DNMT3A: variants seen among roughly 807,000 people sequenced by gnomAD.
The protein encoded by DNMT3A is DNA (cytosine-5)-methyltransferase 3A.
DNMT3A carries 267 observed loss-of-function variants against 117.6 expected under a neutral mutation model. The observed-to-expected ratio is 2.27, with a 90% CI of 2.05 to 2.51. DNMT3A has a LOEUF of 2.51. DNMT3A is among the 30% of genes most tolerant of loss of function. The pLI is 0.00. For synonymous variants in DNMT3A, 432 were observed against 474.8 expected (o/e 0.91, Z 1.17); for missense variants, 1,029 against 1,260.2 (o/e 0.82, Z 2.78).
Position 25,294,744 on chromosome 2 carries a change from C to T in DNMT3A, c.177+5395G>A, listed in dbSNP as rs1387397125. Reference sequence around the variant, plus strand: ...GCAGCAGAATGGTTCCCTGACTTCCCCATTTAGGTTACCCCAAGTCATCTG... The same window carrying T: ...GCAGCAGAATGGTTCCCTGACTTCCTCATTTAGGTTACCCCAAGTCATCTG... On this transcript the variant is annotated intron_variant, in intron 3 of 22. Transcript: ENST00000321117. This position sits in a 1 kb window ranked among gnomAD's most constrained non-coding sequence, Gnocchi z 4.7. 6.6e-6 allele frequency among the ~76,000 whole-genome samples: 1 copy of T among 152,196 alleles called. No homozygotes were observed. The highest frequency in any genetic ancestry group is 2.4e-5 in the African/African-American group (1 of 41,452).
At chr2:25,238,373 G>C (rs1573305242) in intron 20 of DNMT3A, among the ~76,000 whole-genome samples, 1 of 152,142 alleles carries the variant, frequency 6.6e-6, no homozygotes, top group East Asian at 1.9e-4. Flanking sequence ...CAGGTGAAAT[G>C]ATGTCTCCTA....
chr2:25,242,687 C>G (rs1674223158), intron 16 of DNMT3A, among the ~76,000 whole-genome samples: 1 of 152,174 alleles, frequency 6.6e-6, no homozygotes, highest in Non-Finnish European at 1.5e-5. Flanking sequence ...GACATGAATT[C>G]TAAGAAGAGC....
intron 4 of DNMT3A, among the ~76,000 whole-genome samples, chr2:25,280,468 C>A (rs1237253315): frequency 6.6e-6 from 1 of 152,092 alleles, no homozygotes; most frequent in East Asian, 1.9e-4. Context: ...CACCTGGGAG[C>A]CTTCTTCCCT....
At chr2:25,243,062 T>C (rs1385044840) in intron 16 of DNMT3A, among the ~76,000 whole-genome samples, 1 of 152,118 alleles carries the variant, frequency 6.6e-6, no homozygotes, top group Non-Finnish European at 1.5e-5. Context: ...ATCCCAGCAC[T>C]TTGGGAGGCC....
At chr2:25,284,645 T>TGAAAAAAAAAAAAAAA in intron 3 of DNMT3A, among the ~76,000 whole-genome samples, 1 of 16,644 alleles carries the variant, frequency 6.0e-5, no homozygotes, top group Non-Finnish European at 9.7e-5. Flanking sequence ...AGACTCCATC[T>TGAAAAAAAAAAAAAAA]AAAAAAAAAA....
chr2:25,244,450 G>T, intron 14 of DNMT3A, 90 bp downstream of exon 14: 2 of 1,569,504 alleles, frequency 1.3e-6, no homozygotes, highest in Admixed American at 1.7e-5. Context: ...GGGGTGGAGG[G>T]TCTGTGGGGA....
At chr2:25,323,691 C>T (rs1198527668) in intron 1 of DNMT3A, among the ~76,000 whole-genome samples, 2 of 152,222 alleles carry the variant, frequency 1.3e-5, no homozygotes, top group African/African-American at 4.8e-5. Context: ...GCAGATTTCT[C>T]TCCTTTCTTG....
chr2:25,241,521 A>G, intron 17 of DNMT3A, 41 bp downstream of exon 17: 1 of 1,587,154 alleles, frequency 6.3e-7, no homozygotes, highest in South Asian at 1.1e-5. Context: ...CTGAGTGTGC[A>G]GGGAGGGGAA....
rs1447521013 is a variant in DNMT3A at position 25,286,812 on chromosome 2, A to T, written c.178-4101T>A. Among the ~76,000 whole-genome samples the T allele has an allele frequency of 1.3e-5, 2 of 152,160 alleles. No individual in the cohort carries two copies. Among genetic ancestry groups the T allele is most frequent in the African/African-American group, 4.8e-5 (2 of 41,442 alleles). On this transcript the variant is annotated intron_variant, in intron 3 of 22. Transcript: ENST00000321117. The surrounding 1 kb of genome is among the most constrained non-coding windows in gnomAD (Gnocchi z 4.3). ...ACCTCAGCCTGGAAGCCCAGGAGGG[A>T]GGGGCACCCCAGCCAGGCCTGGCCT...
intron 1 of DNMT3A, among the ~76,000 whole-genome samples, chr2:25,319,618 G>T (rs56361032): frequency 0.027 from 4,087 of 152,280 alleles, 173 homozygotes; most frequent in African/African-American, 0.092. Flanking sequence ...AGCCAGAGAG[G>T]GCCAGCCTTC....
intron 1 of DNMT3A, among the ~76,000 whole-genome samples, chr2:25,325,042 C>A (rs901332331): frequency 6.6e-6 from 1 of 152,134 alleles, no homozygotes; most frequent in Non-Finnish European, 1.5e-5. Flanking sequence ...CACTTATGAT[C>A]ACACCAAACC....
rs1471317108 is a variant in DNMT3A, at chr2:25,252,580, C to T, written c.640-4328G>A. ...GAGCGCCCCGCCTTCGGGAAGACCG[C>T]CTGGCCCCTCCCCCAGCTCTGGAAG... On this transcript the variant is annotated intron_variant, in intron 6 of 22. Coordinates refer to ENST00000321117, the MANE Select transcript of DNMT3A (RefSeq NM_022552.5). This position sits in a 1 kb window ranked among gnomAD's most constrained non-coding sequence, Gnocchi z 5.5. Among the ~76,000 whole-genome samples the T allele has an allele frequency of 1.3e-5, 2 of 150,700 alleles. No individual in the cohort carries two copies. Among genetic ancestry groups the T allele is most frequent in the Non-Finnish European group, 3.0e-5 (2 of 67,558 alleles).
intron 4 of DNMT3A, among the ~76,000 whole-genome samples, chr2:25,279,256 T>G (rs1009038253): frequency 2.0e-5 from 3 of 152,180 alleles, no homozygotes; most frequent in Non-Finnish European, 2.9e-5. Flanking sequence ...CAGCACATGC[T>G]CAGGCTACAA....
rs564227102 is a variant in DNMT3A, at chr2:25,289,955, G to A, written c.178-7244C>T. On this transcript the variant is annotated intron_variant, in intron 3 of 22. Transcript: ENST00000321117. Reference sequence around the variant, plus strand: ...GGGCAATGTCTGAAACTCCCAATATGGGGAGGTGATTTTTTCTTTCTTTTT... The same window carrying A: ...GGGCAATGTCTGAAACTCCCAATATAGGGAGGTGATTTTTTCTTTCTTTTT... Among the ~76,000 whole-genome samples, 365 of 152,284 alleles carry A rather than the reference G, an allele frequency of 2.4e-3. 1 individual carries two copies. Among genetic ancestry groups the A allele is most frequent in the African/African-American group, 8.4e-3 (350 of 41,548 alleles).
At chr2:25,249,819 G>T in intron 6 of DNMT3A, 1 of 1,413,866 alleles carries the variant, frequency 7.1e-7, no homozygotes, top group Non-Finnish European at 1.0e-6. Flanking sequence ...TCAAGGCTTT[G>T]CACCCATTTC....
In DNMT3A at chr2:25,298,623, C is replaced by A. The variant is rs1350782607; in HGVS notation, c.177+1516G>T. On this transcript the variant is annotated intron_variant, in intron 3 of 22. Coordinates refer to ENST00000321117, the MANE Select transcript of DNMT3A (RefSeq NM_022552.5). This position sits in a 1 kb window ranked among gnomAD's most constrained non-coding sequence, Gnocchi z 4.3. ...ACTCCGGCCTGGCTCTCCTCCCACA[C>A]CTTCTCCATTAAGGTGCCCTGTGGG... Among the ~76,000 whole-genome samples the A allele has an allele frequency of 1.3e-5, 2 of 152,160 alleles. No individual in the cohort carries two copies. Among genetic ancestry groups the A allele is most frequent in the Non-Finnish European group, 2.9e-5 (2 of 68,038 alleles).
chr2:25,313,869 C>A, intron 2 of DNMT3A, 44 bp downstream of exon 2: 1 of 1,548,754 alleles, frequency 6.5e-7, no homozygotes. Flanking sequence ...ACAGGGCTCT[C>A]CCTCTCCCAG....
chr2:25,284,198 A>G (rs1231786459), intron 3 of DNMT3A, among the ~76,000 whole-genome samples: 1 of 152,224 alleles, frequency 6.6e-6, no homozygotes, highest in East Asian at 1.9e-4. Flanking sequence ...CAGGGACAGC[A>G]TCAGCACGGC....
chr2:25,244,657 A>C lies in DNMT3A; in HGVS notation c.1555-5T>G. ...CGCACACTCCAGAAAGCAGTTCTAG[A>C]CAGCAGCGGGAAGGGTCAGAAACCA... is the stretch of plus-strand genomic sequence containing the variant. On this transcript the variant is annotated splice_region_variant and splice_polypyrimidine_tract_variant and intron_variant, in intron 13 of 22. Transcript: ENST00000321117. The C allele has an allele frequency of 6.2e-7, 1 of 1,613,900 alleles. No homozygotes were observed. Among genetic ancestry groups the C allele is most frequent in the Non-Finnish European group, 8.5e-7 (1 of 1,179,854 alleles).
Sources: allele counts gnomAD v4.1 joint callset (sites outside exome capture counted in the v4.1 genomes callset), GRCh38; gene constraint gnomAD v4.1.1; non-coding constraint Gnocchi (gnomAD v3.1); transcripts MANE v1.5; gene names NCBI Gene and HGNC (gene_info 2026-07-23, HGNC 2026-07-21).